The following ELP3 variants were observed in gnomAD, a reference collection of about 807,000 sequenced individuals.
ELP3 encodes elongator acetyltransferase complex subunit 3.
A neutral mutation model predicts 74.9 loss-of-function variants in ELP3; 56 were observed. That is an observed-to-expected ratio of 0.75 (90% CI 0.60 to 0.93). The LOEUF (loss-of-function observed/expected upper bound fraction) is 0.93. Among genes scored for constraint, ELP3 ranks in the 40% least tolerant of loss-of-function variants. The probability of loss-of-function intolerance (pLI) is 0.00; values close to 1 mark genes in which losing one functional copy is unlikely to be tolerated. For synonymous variants in ELP3, 222 were observed against 239.8 expected, an observed-to-expected ratio of 0.93 and a Z score of 0.68; for missense variants, 573 against 686.5, an observed-to-expected ratio of 0.83 and a Z score of 1.85.
chr8:28,154,555 T>G (rs1006494181), intron 10 of ELP3, among the ~76,000 whole-genome samples: 2 of 152,164 alleles, frequency 1.3e-5, no homozygotes, highest in Non-Finnish European at 2.9e-5. Context: ...ATTTATATAT[T>G]TGTGAGTTCT....
At chr8:28,118,978 C>G (rs576047177) in intron 7 of ELP3, 1 of 152,144 alleles carries the variant, frequency 6.6e-6, no homozygotes, top group East Asian at 1.9e-4. Flanking sequence ...GGTACCAGGC[C>G]CAGAAGACAA....
Position 28,093,553 on chromosome 8 carries a change from T to C in ELP3, c.19+320T>C, listed in dbSNP as rs532956816. The C allele has an allele frequency of 5.8e-5, 24 of 414,032 alleles. No homozygotes were observed. The South Asian group carries it at 8.2e-4, about 14-fold the overall frequency. The allele number at this position is 414,032 out of a possible 1,614,324, so 25.6% of individuals were successfully genotyped here. A position where few individuals can be genotyped will look rare whatever the true frequency, so the allele number is the denominator to read the frequency against. On this transcript the variant is annotated intron_variant, in intron 1 of 14. Transcript: ENST00000256398. Reference sequence around the variant, plus strand: ...ACGGGTTGTAGGACTTTTCATTTGTTAAGATTTGTTTCACGACACATTTGA... The same window carrying C: ...ACGGGTTGTAGGACTTTTCATTTGTCAAGATTTGTTTCACGACACATTTGA...
At chr8:28,110,479 T>C (rs748840850) in intron 6 of ELP3, 41 bp downstream of exon 6, 5 of 1,478,962 alleles carry the variant, frequency 3.4e-6, no homozygotes, top group Non-Finnish European at 4.7e-6. Context: ...ATTAGGTGTT[T>C]ATACTTAGTA....
chr8:28,103,953 T>C (rs1291412168), intron 3 of ELP3, among the ~76,000 whole-genome samples: 5 of 152,214 alleles, frequency 3.3e-5, no homozygotes, highest in Non-Finnish European at 7.3e-5. Context: ...GGTCTTGAGC[T>C]CCTAGGCTCA....
At chr8:28,097,610 A>G (rs1300605455) in intron 2 of ELP3, among the ~76,000 whole-genome samples, 1 of 152,024 alleles carries the variant, frequency 6.6e-6, no homozygotes, top group Non-Finnish European at 1.5e-5. Flanking sequence ...GTTAGCCAGG[A>G]CGGTCTCGAT....
intron 13 of ELP3, 82 bp downstream of exon 13, chr8:28,160,538 G>A: frequency 1.6e-6 from 2 of 1,242,026 alleles, no homozygotes; most frequent in East Asian, 2.5e-5. Flanking sequence ...GAAGAGAAGA[G>A]GAAGAGGCAG....
intron 7 of ELP3, chr8:28,118,927 T>A (rs911959319): frequency 2.6e-5 from 4 of 151,972 alleles, no homozygotes; most frequent in Non-Finnish European, 1.5e-5. Context: ...CCAACTATGT[T>A]CTTACCTGTC....
intron 8 of ELP3, 103 bp downstream of exon 8, chr8:28,129,766 G>A: frequency 1.5e-6 from 2 of 1,303,994 alleles, no homozygotes; most frequent in Non-Finnish European, 2.2e-6. Context: ...CTTAGGGAAA[G>A]AAGTATGGGT....
At chr8:28,092,752 A>AG (rs1811088905), upstream of ELP3, 1 of 254,572 alleles carries the variant, frequency 3.9e-6, no homozygotes, top group African/African-American at 2.3e-5. Flanking sequence ...ACAACATGGG[A>AG]GGGTTCCTCC....
chr8:28,118,456 CAG>C (rs967845076), intron 7 of ELP3, among the ~76,000 whole-genome samples: 3 of 152,140 alleles, frequency 2.0e-5, no homozygotes, highest in African/African-American at 4.8e-5. Context: ...GTTGAGTGAA[CAG>C]AGAGTTCAAG....
intron 14 of ELP3, among the ~76,000 whole-genome samples, chr8:28,182,182 C>T (rs1815039908): frequency 6.6e-6 from 1 of 152,094 alleles, no homozygotes; most frequent in Non-Finnish European, 1.5e-5. Flanking sequence ...AACTCAGGTA[C>T]CACACAGACT....
chr8:28,100,025 C>T, intron 3 of ELP3, 59 bp downstream of exon 3: 1 of 1,609,970 alleles, frequency 6.2e-7, no homozygotes, highest in South Asian at 1.1e-5. Flanking sequence ...GCAGAAGTCC[C>T]TGCTCCATGT....
intron 10 of ELP3, among the ~76,000 whole-genome samples, chr8:28,150,471 A>G (rs1468452883): frequency 6.6e-6 from 1 of 152,160 alleles, no homozygotes; most frequent in Admixed American, 6.5e-5. Context: ...GAATACTTTC[A>G]TAGGATTCAG....
chr8:28,148,282 C>T (rs2130514202), intron 10 of ELP3, among the ~76,000 whole-genome samples: 1 of 152,212 alleles, frequency 6.6e-6, no homozygotes, highest in South Asian at 2.1e-4. Flanking sequence ...TGATGAGGAA[C>T]AGGGTGTTGT....
intron 1 of ELP3, among the ~76,000 whole-genome samples, chr8:28,096,354 G>T (rs1249792692): frequency 1.3e-5 from 2 of 152,144 alleles, no homozygotes; most frequent in Non-Finnish European, 2.9e-5. Context: ...CTGCTCCCCT[G>T]GTCTGTGGAA....
intron 14 of ELP3, among the ~76,000 whole-genome samples, chr8:28,171,895 C>T (rs1814544566): frequency 6.6e-6 from 1 of 152,114 alleles, no homozygotes; most frequent in African/African-American, 2.4e-5. Flanking sequence ...GTTTTTCTAG[C>T]ACCACTTGTG....
At chr8:28,097,023 A>G (rs1811278918) in intron 1 of ELP3, among the ~76,000 whole-genome samples, 196 bp from the exon 2 acceptor site, 1 of 152,180 alleles carries the variant, frequency 6.6e-6, no homozygotes, top group Non-Finnish European at 1.5e-5. Flanking sequence ...TCCCATATAT[A>G]TGTAAAGCCA....
chr8:28,093,350 C>T, intron 1 of ELP3, 117 bp downstream of exon 1: 3 of 1,420,392 alleles, frequency 2.1e-6, no homozygotes, highest in Non-Finnish European at 1.9e-6. Context: ...CCAGTCGCCC[C>T]GCCACCTAGG....
chr8:28,097,185 C>T (rs758256682), intron 1 of ELP3, 34 bp from the exon 2 acceptor site: 62 of 1,429,904 alleles, frequency 4.3e-5, no homozygotes, highest in South Asian at 3.8e-4. Context: ...TTGAATGATA[C>T]GATTTTTGAC....
Sources: allele counts gnomAD v4.1 joint callset (sites outside exome capture counted in the v4.1 genomes callset), GRCh38; gene constraint gnomAD v4.1.1; transcripts MANE v1.5; gene names NCBI Gene and HGNC (gene_info 2026-07-23, HGNC 2026-07-21).